The following WDPCP variants were observed in gnomAD, a reference collection of about 807,000 sequenced individuals.
WDPCP encodes WD repeat containing planar cell polarity effector, also known as WD repeat-containing and planar cell polarity effector protein fritz homolog.
WDPCP carries 71 observed loss-of-function variants against 93.1 expected under a neutral mutation model. The observed-to-expected ratio is 0.76, with a 90% CI of 0.63 to 0.93. The LOEUF (loss-of-function observed/expected upper bound fraction) is 0.93. Ranked by LOEUF, WDPCP falls within the 40% of genes least tolerant of loss-of-function variation. The pLI, the probability that WDPCP is intolerant of heterozygous loss-of-function variation, is 0.00. For synonymous variants in WDPCP, 315 were observed against 315.0 expected (o/e 1.00, Z 0.00); for missense variants, 844 against 887.4 (o/e 0.95, Z 0.62).
chr2:63,461,783 G>T (rs116024002), intron 6 of WDPCP, among the ~76,000 whole-genome samples: 2,880 of 152,316 alleles, frequency 0.019, 48 homozygotes, highest in Non-Finnish European at 0.032. Context: ...ACCATTAAAA[G>T]TCTTCTTCTC....
At chr2:63,679,554 G>GCATT (rs1710464079) in intron 2 of WDPCP, among the ~76,000 whole-genome samples, 1 of 152,102 alleles carries the variant, frequency 6.6e-6, no homozygotes, top group African/African-American at 2.4e-5. Flanking sequence ...ATTTGGGAGA[G>GCATT]CATTCCATTC....
intron 2 of WDPCP, among the ~76,000 whole-genome samples, chr2:63,764,557 G>A (rs559843545): frequency 6.6e-6 from 1 of 152,268 alleles, no homozygotes; most frequent in South Asian, 2.1e-4. Flanking sequence ...CACGCAAAGA[G>A]TAGATATGGT....
At chr2:63,145,754 G>A (rs1465926817) in intron 17 of WDPCP, among the ~76,000 whole-genome samples, 1 of 152,184 alleles carries the variant, frequency 6.6e-6, no homozygotes, top group African/African-American at 2.4e-5. Flanking sequence ...AATCTCAGTG[G>A]TAGTTTAATA....
intron 1 of WDPCP, among the ~76,000 whole-genome samples, chr2:63,531,134 T>TG (rs1703805854): frequency 6.6e-6 from 1 of 152,118 alleles, no homozygotes; most frequent in African/African-American, 2.4e-5. Context: ...GCAACGAGGC[T>TG]GGGGGAGGGG....
rs184721762 is a variant in WDPCP at position 63,220,041 on chromosome 2, C to G, written c.1915+39266G>C. On this transcript the variant is annotated intron_variant, in intron 14 of 17. Transcript: ENST00000272321. Reference sequence around the variant, plus strand: ...AAAATAAAAAGGTATAGTAAAAACACAACAAACAACAAAAGCCTTTGGCGA... The same window carrying G: ...AAAATAAAAAGGTATAGTAAAAACAGAACAAACAACAAAAGCCTTTGGCGA... 2.0e-4 allele frequency among the ~76,000 whole-genome samples: 30 copies of G among 152,078 alleles called. No individual in the cohort carries two copies. In the South Asian group the frequency reaches 3.1e-3, roughly 16 times the overall value.
intron 14 of WDPCP, among the ~76,000 whole-genome samples, chr2:63,211,216 T>G (rs1676766725): frequency 6.6e-6 from 1 of 152,200 alleles, no homozygotes; most frequent in South Asian, 2.1e-4. Flanking sequence ...GAGTAGGGGC[T>G]GACTGACACC....
intron 3 of WDPCP, among the ~76,000 whole-genome samples, chr2:63,602,934 C>CTTTTGT (rs1709452776): frequency 6.8e-5 from 9 of 131,536 alleles, no homozygotes; most frequent in Non-Finnish European, 1.2e-4. Flanking sequence ...TTTAACCGTT[C>CTTTTGT]TTTTTTTTTT....
At chr2:63,536,330 T>C (rs1390605777) in intron 1 of WDPCP, among the ~76,000 whole-genome samples, 1 of 152,144 alleles carries the variant, frequency 6.6e-6, no homozygotes, top group Non-Finnish European at 1.5e-5. Flanking sequence ...GAACTAGAAA[T>C]ACCATTTGAC....
chr2:63,435,119 G>A (rs74915534), intron 8 of WDPCP, among the ~76,000 whole-genome samples: 170 of 152,164 alleles, frequency 1.1e-3, no homozygotes, highest in Middle Eastern at 3.4e-3. Context: ...GTAATTACCA[G>A]TGTTGTTCTC....
chr2:63,624,098 G>A (rs183790936), intron 3 of WDPCP, among the ~76,000 whole-genome samples: 26 of 152,258 alleles, frequency 1.7e-4, no homozygotes, highest in Admixed American at 8.5e-4. Flanking sequence ...GGTAAATAAC[G>A]AAATTAAGGC....
At chr2:63,722,663 G>GT (rs1400566538) in intron 2 of WDPCP, among the ~76,000 whole-genome samples, 13 of 143,556 alleles carry the variant, frequency 9.1e-5, no homozygotes, top group Non-Finnish European at 1.4e-4. Flanking sequence ...GAGGTGGGGG[G>GT]GGGTCAGCCC....
chr2:63,673,074 T>C (rs1002683448), intron 2 of WDPCP, among the ~76,000 whole-genome samples: 1 of 152,186 alleles, frequency 6.6e-6, no homozygotes, highest in Non-Finnish European at 1.5e-5. Flanking sequence ...TTTTAAACTA[T>C]GCACTTCTTT....
At chr2:63,684,771 C>A in intron 2 of WDPCP, 1 of 541,804 alleles carries the variant, frequency 1.8e-6, no homozygotes. Flanking sequence ...TAGTAACAAG[C>A]ATTTTCTCTG....
chr2:63,337,768 TCCACATATATGTTGGC>T (rs1339539527), intron 12 of WDPCP, among the ~76,000 whole-genome samples: 11 of 152,204 alleles, frequency 7.2e-5, no homozygotes, highest in Non-Finnish European at 1.6e-4. Flanking sequence ...GAACAGTTTT[TCCACATATATGTTGGC>T]CATTAGTATG....
intron 13 of WDPCP, among the ~76,000 whole-genome samples, chr2:63,278,272 GGAAAGTTCATA>G (rs1683232011): frequency 6.6e-6 from 1 of 152,064 alleles, no homozygotes. Flanking sequence ...GGTGCTAAGA[GGAAAGTTCATA>G]GCACTAAATG....
At chr2:63,450,869 CA>C (rs34856625) in intron 6 of WDPCP, among the ~76,000 whole-genome samples, 7 of 151,866 alleles carry the variant, frequency 4.6e-5, no homozygotes, top group Admixed American at 1.3e-4. Context: ...AAAACAAATT[CA>C]AAAAACTGGA....
At chr2:63,758,355 G>A (rs969923464) in intron 2 of WDPCP, among the ~76,000 whole-genome samples, 6 of 151,512 alleles carry the variant, frequency 4.0e-5, no homozygotes, top group African/African-American at 1.5e-4. Context: ...CTCAATGAAA[G>A]TTTACCAAAA....
rs1034766107 is a variant in WDPCP, at chr2:63,808,663, G to A, written n.308+4959C>T. 1.3e-5 allele frequency among the ~76,000 whole-genome samples: 2 copies of A among 152,210 alleles called. 1 individual carries two copies. On this transcript the variant is annotated intron_variant and non_coding_transcript_variant, in intron 2 of 4. Transcript: ENST00000467687. ...TTAGTGCTCAATGGTGCCCAGGCTGGAGTGCAGTGGCGTGATCTCGGCTCG... is the reference window on the plus strand; with the variant it reads ...TTAGTGCTCAATGGTGCCCAGGCTGAAGTGCAGTGGCGTGATCTCGGCTCG...
chr2:63,144,342 A>T, intron 17 of WDPCP, among the ~76,000 whole-genome samples: 1 of 151,854 alleles, frequency 6.6e-6, no homozygotes, highest in African/African-American at 2.4e-5. Context: ...GTGCAGTGGC[A>T]CGGCTCAATG....
Sources: allele counts gnomAD v4.1 joint callset (sites outside exome capture counted in the v4.1 genomes callset), GRCh38; gene constraint gnomAD v4.1.1; transcripts MANE v1.5; gene names NCBI Gene and HGNC (gene_info 2026-07-23, HGNC 2026-07-21).